The following PPP2R5E variants were observed in gnomAD, a reference collection of about 807,000 sequenced individuals.
PPP2R5E encodes the protein protein phosphatase 2 regulatory subunit B'epsilon.
PPP2R5E carries 4 observed loss-of-function variants against 65.3 expected under a neutral mutation model. The observed-to-expected ratio is 0.06, with a 90% CI of 0.03 to 0.14. PPP2R5E has a LOEUF of 0.14. PPP2R5E is among the 10% of genes least tolerant of loss of function. The probability of loss-of-function intolerance (pLI) is 1.00; values close to 1 mark genes in which losing one functional copy is unlikely to be tolerated. For missense variants in PPP2R5E, 274 were observed against 556.1 expected (o/e 0.49, Z 5.10); for synonymous variants, 183 against 187.4 (o/e 0.98, Z 0.19).
rs1369924622 is a variant in PPP2R5E at position 63,371,376 on chromosome 14, CTTCT to C, written c.*4629_*4632del. The C allele has an allele frequency of 6.6e-6, 1 of 152,256 alleles. No individual in the cohort carries two copies. The highest frequency in any genetic ancestry group is 1.5e-5 in the Non-Finnish European group (1 of 68,066). The allele number at this position is 152,256 out of a possible 1,614,324, so 9.4% of individuals were successfully genotyped here. On this transcript the variant is annotated 3_prime_UTR_variant, in exon 14 of 14. Transcript: ENST00000337537. ...CCAGGCACCTGAAAACTCTTCACTGCTTCTTTATTATGATGCACCCACAGTACAG... is the reference window on the plus strand; with the variant it reads ...CCAGGCACCTGAAAACTCTTCACTGCTTATTATGATGCACCCACAGTACAG...
At chr14:63,499,771 A>G (rs1891766179) in intron 2 of PPP2R5E, among the ~76,000 whole-genome samples, 1 of 151,626 alleles carries the variant, frequency 6.6e-6, no homozygotes, top group Admixed American at 6.6e-5. Flanking sequence ...TTTGCTCTGG[A>G]TAAGCCCCAA....
intron 2 of PPP2R5E, among the ~76,000 whole-genome samples, chr14:63,522,169 C>T (rs1331759059): frequency 1.3e-5 from 2 of 152,140 alleles, no homozygotes; most frequent in Admixed American, 6.5e-5. Flanking sequence ...TGGTCTCCAG[C>T]TCCTAACCGC....
At chr14:63,459,986 A>G (rs1247699933) in intron 2 of PPP2R5E, among the ~76,000 whole-genome samples, 2 of 152,212 alleles carry the variant, frequency 1.3e-5, no homozygotes, top group Non-Finnish European at 2.9e-5. Context: ...AATCTGTTAG[A>G]GAGCTTGAGA....
intron 2 of PPP2R5E, among the ~76,000 whole-genome samples, chr14:63,457,096 A>G (rs1675476268): frequency 6.6e-6 from 1 of 152,222 alleles, no homozygotes; most frequent in Admixed American, 6.5e-5. Context: ...GAGGTTCTTC[A>G]TATAATGTCT....
intron 2 of PPP2R5E, among the ~76,000 whole-genome samples, chr14:63,504,945 T>C (rs992224362): frequency 6.6e-6 from 1 of 152,192 alleles, no homozygotes; most frequent in Admixed American, 6.5e-5. Flanking sequence ...GTTAAGAAGA[T>C]GGGGATCATT....
At chr14:63,484,696 T>C (rs1199477273) in intron 2 of PPP2R5E, among the ~76,000 whole-genome samples, 1 of 152,226 alleles carries the variant, frequency 6.6e-6, no homozygotes, top group African/African-American at 2.4e-5. Flanking sequence ...GTTCTAAGTC[T>C]AGGCCAGGTA....
chr14:63,439,777 T>C (rs960753906), intron 3 of PPP2R5E, among the ~76,000 whole-genome samples: 5 of 152,182 alleles, frequency 3.3e-5, no homozygotes, highest in African/African-American at 1.2e-4. Flanking sequence ...ATGTCCATCA[T>C]GGAGATGGAG....
At chr14:63,507,575 CTTTTTTTT>C (rs756154248) in intron 2 of PPP2R5E, among the ~76,000 whole-genome samples, 2 of 105,500 alleles carry the variant, frequency 1.9e-5, no homozygotes, top group Admixed American at 9.9e-5. Context: ...GGGTAATTCT[CTTTTTTTT>C]TTTTTTTTTT....
chr14:63,483,951 C>T (rs542867272), intron 2 of PPP2R5E, among the ~76,000 whole-genome samples: 4 of 151,970 alleles, frequency 2.6e-5, no homozygotes, highest in South Asian at 2.1e-4. Context: ...GGACTGGTGG[C>T]GCGCGCCTAT....
intron 2 of PPP2R5E, among the ~76,000 whole-genome samples, chr14:63,489,852 G>A (rs1347480846): frequency 6.6e-6 from 1 of 151,982 alleles, no homozygotes; most frequent in Non-Finnish European, 1.5e-5. Flanking sequence ...CATTATCTAT[G>A]TTTAAAGAAT....
intron 2 of PPP2R5E, among the ~76,000 whole-genome samples, chr14:63,503,603 GTT>G: frequency 6.6e-6 from 1 of 152,148 alleles, no homozygotes; most frequent in South Asian, 2.1e-4. Context: ...TATATCACAT[GTT>G]AACACTGCAA....
intron 13 of PPP2R5E, among the ~76,000 whole-genome samples, chr14:63,381,284 T>C (rs1005200765): frequency 6.6e-6 from 1 of 152,218 alleles, no homozygotes; most frequent in African/African-American, 2.4e-5. Flanking sequence ...GATCTTTAAA[T>C]TGTAATAAAT....
rs1883848135 is a variant in PPP2R5E, at chr14:63,374,149, T to G, written c.*1860A>C. On this transcript the variant is annotated 3_prime_UTR_variant, in exon 14 of 14. Transcript: ENST00000337537. ...TTGTTTTTTTACAAAGTTACCGAGATGACAATATCCATAATTAGCTGACTC... is the reference window on the plus strand; with the variant it reads ...TTGTTTTTTTACAAAGTTACCGAGAGGACAATATCCATAATTAGCTGACTC... 6.6e-6 allele frequency: 1 copy of G among 151,748 alleles called. No homozygotes were observed. Among genetic ancestry groups the G allele is most frequent in the South Asian group, 2.1e-4 (1 of 4,788 alleles). The allele number at this position is 151,748 out of a possible 1,614,324, so 9.4% of individuals were successfully genotyped here.
At chr14:63,502,246 C>T (rs578220779) in intron 2 of PPP2R5E, among the ~76,000 whole-genome samples, 12 of 152,146 alleles carry the variant, frequency 7.9e-5, no homozygotes, top group African/African-American at 2.9e-4. Context: ...GCAGAGGGCA[C>T]CAGACTTAGA....
At chr14:63,406,902 A>G (rs1184129778) in intron 5 of PPP2R5E, among the ~76,000 whole-genome samples, 1 of 152,238 alleles carries the variant, frequency 6.6e-6, no homozygotes, top group Non-Finnish European at 1.5e-5. Flanking sequence ...CAAATAATTC[A>G]TAACATGCTA....
At chr14:63,512,075 C>T (rs1343319736) in intron 2 of PPP2R5E, among the ~76,000 whole-genome samples, 2 of 87,544 alleles carry the variant, frequency 2.3e-5, no homozygotes, top group Non-Finnish European at 4.0e-5. Context: ...CGAGACTCTG[C>T]GGTAAAAAAA....
chr14:63,501,442 T>G (rs1011361515), intron 2 of PPP2R5E, among the ~76,000 whole-genome samples: 3 of 150,862 alleles, frequency 2.0e-5, no homozygotes, highest in Admixed American at 1.3e-4. Flanking sequence ...TAAGATATAA[T>G]GATGGTGGAA....
In PPP2R5E at chr14:63,377,534, G is replaced by A. The variant is rs115374294; in HGVS notation, c.1305-1426C>T. On this transcript the variant is annotated intron_variant, in intron 13 of 13. Coordinates refer to ENST00000337537, the MANE Select transcript of PPP2R5E (RefSeq NM_006246.5). ...ACTTGAGGAAATGTTGAATTATAAT[G>A]CCATAATAGTCTGGTATTAACCAGA... Among the ~76,000 whole-genome samples the A allele has an allele frequency of 3.2e-3, 492 of 152,262 alleles. 3 individuals are homozygous for A. The highest frequency in any genetic ancestry group is 0.011 in the African/African-American group (475 of 41,542).
intron 11 of PPP2R5E, 64 bp from the exon 12 acceptor site, chr14:63,384,635 A>C (rs1884552143): frequency 7.2e-7 from 1 of 1,386,986 alleles, no homozygotes; most frequent in East Asian, 2.3e-5. Flanking sequence ...CAAAATTATA[A>C]ATCTTTCCAA....
Sources: gnomAD v4.1 joint callset for allele counts (sites outside exome capture counted in the v4.1 genomes callset) on GRCh38, gnomAD v4.1.1 for gene constraint, MANE v1.5 for transcripts, NCBI Gene and HGNC (gene_info 2026-07-23, HGNC 2026-07-21) for gene names.